RNF125: variants seen among roughly 807,000 people sequenced by gnomAD.
RNF125 encodes the protein E3 ubiquitin-protein ligase RNF125.
RNF125 carries 21 observed loss-of-function variants against 26.0 expected under a neutral mutation model. The ratio of observed to expected loss-of-function variants is 0.81; its 90% CI spans 0.57 to 1.16. RNF125 has a LOEUF of 1.16. RNF125 is among the 50% of genes most tolerant of loss of function. RNF125 has a pLI of 0.00. For missense variants in RNF125, 270 were observed against 299.4 expected, an observed-to-expected ratio of 0.90 and a Z score of 0.72; for synonymous variants, 95 against 109.2, an observed-to-expected ratio of 0.87 and a Z score of 0.81.
At chr18:32,086,739 G>A in the RNF125 span, among the ~76,000 whole-genome samples, 1 of 151,944 alleles carries the variant, frequency 6.6e-6, no homozygotes, top group African/African-American at 2.4e-5. Flanking sequence ...GGCTGGTCTC[G>A]AACTCCCGAC....
downstream of RNF125, chr18:32,076,264 G>T: frequency 2.5e-6 from 1 of 397,656 alleles, no homozygotes. Flanking sequence ...GGACATTTAT[G>T]CGCACCATTG....
intron 1 of RNF125, among the ~76,000 whole-genome samples, chr18:32,021,205 C>T (rs942764687): frequency 3.9e-5 from 6 of 152,126 alleles, no homozygotes; most frequent in African/African-American, 1.4e-4. Flanking sequence ...CTCAGCCTCC[C>T]GAGTAGCTGG....
rs375588171 is a variant in RNF125, at chr18:32,061,093, C to T, written c.505-4809C>T. ...AGGCTGGAGTGCAGTGGTGCGATCT[C>T]GGCTCACTGCAAGCTCCGCCTCCTG... On this transcript the variant is annotated intron_variant, in intron 4 of 5. Transcript: ENST00000217740. Among the ~76,000 whole-genome samples, 194 of 152,244 alleles carry T rather than the reference C, an allele frequency of 1.3e-3. 1 individual carries two copies. Among genetic ancestry groups the T allele is most frequent in the African/African-American group, 4.3e-3 (180 of 41,554 alleles).
chr18:32,026,537 G>A (rs1273407025), intron 1 of RNF125, among the ~76,000 whole-genome samples: 1 of 151,814 alleles, frequency 6.6e-6, no homozygotes, highest in Non-Finnish European at 1.5e-5. Context: ...ACTGTCCCCA[G>A]CCTGAGCACC....
chr18:32,075,629 G>T (rs1321316858), downstream of RNF125, among the ~76,000 whole-genome samples: 5 of 146,386 alleles, frequency 3.4e-5, no homozygotes, highest in African/African-American at 5.1e-5. Context: ...GGAGGTGGAG[G>T]TTGCAGTGAG....
At chr18:32,078,317 T>A in the RNF125 span, among the ~76,000 whole-genome samples, 3 of 152,170 alleles carry the variant, frequency 2.0e-5, no homozygotes, top group African/African-American at 7.2e-5. Context: ...CAGGATAAAA[T>A]TTATTGCAAC....
At chr18:32,034,326 C>G (rs1350233539) in intron 1 of RNF125, among the ~76,000 whole-genome samples, 1 of 152,312 alleles carries the variant, frequency 6.6e-6, no homozygotes, top group African/African-American at 2.4e-5. Context: ...GCATCCCGCT[C>G]AGTCTTTCTC....
intron 3 of RNF125, among the ~76,000 whole-genome samples, chr18:32,044,627 CT>C (rs1353204580): frequency 2.6e-5 from 4 of 152,064 alleles, no homozygotes; most frequent in Non-Finnish European, 5.9e-5. Flanking sequence ...CTGCACTTCT[CT>C]TTAGGAGAGA....
the RNF125 span, among the ~76,000 whole-genome samples, chr18:32,080,778 ACT>A: frequency 0.015 from 2,312 of 152,310 alleles, 59 homozygotes; most frequent in African/African-American, 0.053. Context: ...AGTCCCAGCT[ACT>A]CGGGAGAATG....
rs1449006618 is a variant in RNF125 at position 32,068,449 on chromosome 18, TGGGAG to T, written c.*68_*72del. On this transcript the variant is annotated 3_prime_UTR_variant, in exon 6 of 6. Coordinates refer to ENST00000217740, the MANE Select transcript of RNF125 (RefSeq NM_017831.4). ...CCATTTAAGATGCTGCTTGAACAAA[TGGGAG>T]GGAAGTTGTCAATGATTGATGGGCA... 2.0e-5 allele frequency: 19 copies of T among 936,392 alleles called. No homozygotes were observed. The highest frequency in any genetic ancestry group is 1.2e-5 in the Non-Finnish European group (7 of 571,442). The allele number at this position is 936,392 out of a possible 1,614,324, so 58.0% of individuals were successfully genotyped here. A position where few individuals can be genotyped will look rare whatever the true frequency, so the allele number is the denominator to read the frequency against.
intron 4 of RNF125, among the ~76,000 whole-genome samples, chr18:32,049,130 G>T (rs1333934205): frequency 6.6e-6 from 1 of 152,166 alleles, no homozygotes; most frequent in Non-Finnish European, 1.5e-5. Context: ...TCCACATGCT[G>T]CTCAGTTTGG....
chr18:32,038,968 G>A (rs575792759), intron 2 of RNF125, among the ~76,000 whole-genome samples: 18 of 151,674 alleles, frequency 1.2e-4, no homozygotes, highest in African/African-American at 4.3e-4. Context: ...GTTTCACCAT[G>A]TTGGCCAGTC....
At position 32,045,637 on chromosome 18, in the gene RNF125, TC is replaced by T. The variant is rs2039262437; in HGVS notation, c.414-3del. ...AATATTATTTGTATTCTGTGCTATT[TC>T]CAGGTGTGTATGTCCCTTTTGTCAG... On this transcript the variant is annotated splice_region_variant and splice_polypyrimidine_tract_variant and intron_variant, in intron 3 of 5. Transcript: ENST00000217740. The T allele has an allele frequency of 2.7e-5, 43 of 1,594,984 alleles. No homozygotes were observed. Among genetic ancestry groups the T allele is most frequent in the Non-Finnish European group, 3.7e-5 (43 of 1,165,766 alleles).
In RNF125 at chr18:32,072,074, A is replaced by T. The variant is rs2039538956; in HGVS notation, c.*3690A>T. 1 of 152,224 alleles carries T rather than the reference A, an allele frequency of 6.6e-6. No homozygotes were observed. The highest frequency in any genetic ancestry group is 2.1e-4 in the South Asian group (1 of 4,824). 9.4% of individuals were successfully genotyped at this position (152,224 alleles called of 1,614,324 possible). On this transcript the variant is annotated 3_prime_UTR_variant, in exon 6 of 6. Transcript: ENST00000217740. ...AAACAAAAAGCTGGGCATGATGCAC[A>T]CCTTTAGTTTCAGCTACTAAGGAGG...
intron 1 of RNF125, among the ~76,000 whole-genome samples, chr18:32,027,386 G>A (rs2039047402): frequency 6.6e-6 from 1 of 151,970 alleles, no homozygotes; most frequent in South Asian, 2.1e-4. Flanking sequence ...CTTTTCATAG[G>A]TACCAATAAG....
intron 4 of RNF125, among the ~76,000 whole-genome samples, chr18:32,059,207 G>A (rs748269628): frequency 1.9e-4 from 29 of 152,212 alleles, no homozygotes; most frequent in Non-Finnish European, 3.7e-4. Context: ...ATTCTTCTCC[G>A]TAGTAGTTGT....
chr18:32,044,766 A>G lies in RNF125; in HGVS notation c.414-876A>G, dbSNP rs1188977482. Among the ~76,000 whole-genome samples, 7 of 152,208 alleles carry G rather than the reference A, an allele frequency of 4.6e-5. 1 individual carries two copies. The Middle Eastern group carries it at 0.01, about 222-fold the overall frequency. ...TAGATGGGGTGTTATTTGTTTTCCAACTTCACTAGCATATAACTATGTGCA... is the reference window on the plus strand; with the variant it reads ...TAGATGGGGTGTTATTTGTTTTCCAGCTTCACTAGCATATAACTATGTGCA... On this transcript the variant is annotated intron_variant, in intron 3 of 5. Coordinates refer to ENST00000217740, the MANE Select transcript of RNF125 (RefSeq NM_017831.4).
At chr18:32,086,995 T>C in the RNF125 span, among the ~76,000 whole-genome samples, 1 of 152,042 alleles carries the variant, frequency 6.6e-6, no homozygotes, top group African/African-American at 2.4e-5. Context: ...ATGCCCCTCA[T>C]AATAATTCCC....
intron 1 of RNF125, among the ~76,000 whole-genome samples, chr18:32,027,615 G>C (rs1374941496): frequency 3.9e-5 from 6 of 152,058 alleles, no homozygotes; most frequent in Non-Finnish European, 8.8e-5. Context: ...AAAAAAAAAT[G>C]AGTTTACCTT....
Sources: allele counts gnomAD v4.1 joint callset (sites outside exome capture counted in the v4.1 genomes callset), GRCh38; gene constraint gnomAD v4.1.1; transcripts MANE v1.5; gene names NCBI Gene and HGNC (gene_info 2026-07-23, HGNC 2026-07-21).